Variants in UNC5D observed in about 807,000 individuals in gnomAD.
The protein encoded by UNC5D is unc-5 netrin receptor D, also known as netrin receptor UNC5D.
UNC5D carries 39 observed loss-of-function variants against 105.4 expected under a neutral mutation model. That is an observed-to-expected ratio of 0.37 (90% confidence interval 0.29 to 0.48). The LOEUF is 0.48. Ranked by LOEUF, UNC5D falls within the 20% of genes least tolerant of loss-of-function variation. The pLI is 0.98. For synonymous variants in UNC5D, 452 were observed against 450.4 expected (o/e 1.00, Z -0.04); for missense variants, 991 against 1,202.4 (o/e 0.82, Z 2.60).
intron 1 of UNC5D, among the ~76,000 whole-genome samples, chr8:35,305,674 CT>C (rs1808341607): frequency 7.9e-6 from 1 of 127,124 alleles, no homozygotes; most frequent in African/African-American, 2.9e-5. Flanking sequence ...TTTTTCTTTT[CT>C]TTCCCTCTTT....
chr8:35,718,134 A>C (rs577683665), intron 8 of UNC5D, among the ~76,000 whole-genome samples: 1 of 151,734 alleles, frequency 6.6e-6, no homozygotes, highest in Non-Finnish European at 1.5e-5. Context: ...GTAGACAGTA[A>C]TTTTTTCTAC....
intron 1 of UNC5D, among the ~76,000 whole-genome samples, chr8:35,383,311 G>T (rs1803156644): frequency 6.6e-6 from 1 of 151,794 alleles, no homozygotes; most frequent in African/African-American, 2.4e-5. Context: ...AAATATTCTA[G>T]TATAAAAAAA....
chr8:35,316,861 C>T (rs948855438), intron 1 of UNC5D, among the ~76,000 whole-genome samples: 5 of 152,014 alleles, frequency 3.3e-5, no homozygotes, highest in African/African-American at 1.2e-4. Flanking sequence ...GATGGGTTAG[C>T]AATATTAGGG....
At chr8:35,619,625 A>C (rs752330310) in intron 4 of UNC5D, among the ~76,000 whole-genome samples, 10 of 152,228 alleles carry the variant, frequency 6.6e-5, no homozygotes, top group Admixed American at 2.0e-4. Context: ...ATCCAGTTGC[A>C]ACTGGGCAGC....
At chr8:35,278,839 T>C (rs1805954099) in intron 1 of UNC5D, among the ~76,000 whole-genome samples, 1 of 152,134 alleles carries the variant, frequency 6.6e-6, no homozygotes, top group Non-Finnish European at 1.5e-5. Context: ...CATCCTATAT[T>C]CATCTTACAA....
intron 1 of UNC5D, among the ~76,000 whole-genome samples, chr8:35,536,583 C>A (rs1301856206): frequency 6.6e-6 from 1 of 152,150 alleles, no homozygotes; most frequent in Non-Finnish European, 1.5e-5. Flanking sequence ...AACAGATACC[C>A]TTTCTGGTCA....
intron 16 of UNC5D, among the ~76,000 whole-genome samples, chr8:35,775,151 T>C (rs1455345999): frequency 1.3e-5 from 2 of 152,134 alleles, no homozygotes; most frequent in African/African-American, 4.8e-5. Context: ...GTCTCCCCTC[T>C]ACTATCGGGT....
intron 4 of UNC5D, among the ~76,000 whole-genome samples, chr8:35,656,699 T>C (rs1005850348): frequency 6.6e-6 from 1 of 152,112 alleles, no homozygotes; most frequent in Non-Finnish European, 1.5e-5. Context: ...CCCTTTACTC[T>C]TTCAATCCCA....
At chr8:35,288,085 A>G (rs1447144907) in intron 1 of UNC5D, among the ~76,000 whole-genome samples, 1 of 134,812 alleles carries the variant, frequency 7.4e-6, no homozygotes, top group Non-Finnish European at 1.6e-5. Flanking sequence ...AAATCTGGAG[A>G]CAGATAATCT....
intron 3 of UNC5D, among the ~76,000 whole-genome samples, chr8:35,571,543 G>C (rs962311242): frequency 2.6e-5 from 4 of 152,102 alleles, no homozygotes; most frequent in East Asian, 3.9e-4. Flanking sequence ...CAAAAGTCAG[G>C]GGGGTGGGGG....
At chr8:35,306,449 A>T (rs1367420669) in intron 1 of UNC5D, among the ~76,000 whole-genome samples, 1 of 151,946 alleles carries the variant, frequency 6.6e-6, no homozygotes. Context: ...ACATGTTAAA[A>T]TTTTTCTGTG....
At chr8:35,587,967 T>TAC (rs1212647438) in intron 3 of UNC5D, among the ~76,000 whole-genome samples, 4 of 95,498 alleles carry the variant, frequency 4.2e-5, no homozygotes, top group Non-Finnish European at 8.6e-5. Flanking sequence ...ACTATAATAA[T>TAC]ATATATATAT....
intron 1 of UNC5D, among the ~76,000 whole-genome samples, chr8:35,441,437 T>C (rs1053683749): frequency 6.6e-6 from 1 of 151,924 alleles, no homozygotes; most frequent in African/African-American, 2.4e-5. Flanking sequence ...TAGATATGGT[T>C]TGCTATTATC....
chr8:35,710,381 C>T (rs777178831), intron 8 of UNC5D, among the ~76,000 whole-genome samples: 8 of 152,262 alleles, frequency 5.3e-5, no homozygotes, highest in South Asian at 2.1e-4. Context: ...TTGGCCATTA[C>T]TGGTATGGGG....
chr8:35,396,902 T>C (rs1222369316), intron 1 of UNC5D, among the ~76,000 whole-genome samples: 1 of 151,526 alleles, frequency 6.6e-6, no homozygotes, highest in African/African-American at 2.4e-5. Context: ...TTTTTGTTTG[T>C]TTGGTTTGTT....
chr8:35,633,948 A>G (rs537541250), intron 4 of UNC5D, among the ~76,000 whole-genome samples: 5 of 152,362 alleles, frequency 3.3e-5, no homozygotes, highest in African/African-American at 1.2e-4. Flanking sequence ...AATCTTGGCA[A>G]GAAGCCGAAT....
chr8:35,343,746 T>C (rs532936435), intron 1 of UNC5D, among the ~76,000 whole-genome samples: 6 of 152,252 alleles, frequency 3.9e-5, no homozygotes, highest in African/African-American at 1.4e-4. Context: ...GCTTGTGGTA[T>C]CCTCTCTTCT....
At chr8:35,578,427 T>C (rs186924358) in intron 3 of UNC5D, among the ~76,000 whole-genome samples, 1 of 152,182 alleles carries the variant, frequency 6.6e-6, no homozygotes, top group East Asian at 1.9e-4. Flanking sequence ...TGTGGGATAC[T>C]GCTTGGTGCT....
chr8:35,693,689 T>G (rs1390081717), intron 7 of UNC5D, among the ~76,000 whole-genome samples: 2 of 152,156 alleles, frequency 1.3e-5, no homozygotes, highest in African/African-American at 4.8e-5. Flanking sequence ...TGTCTCTCTT[T>G]AACGATATCT....
Sources: allele counts gnomAD v4.1 joint callset (sites outside exome capture counted in the v4.1 genomes callset), GRCh38; gene constraint gnomAD v4.1.1; transcripts MANE v1.5; gene names NCBI Gene and HGNC (gene_info 2026-07-23, HGNC 2026-07-21).